The following BAZ2B variants were observed in gnomAD, a reference collection of about 807,000 sequenced individuals.
BAZ2B encodes bromodomain adjacent to zinc finger domain protein 2B.
A neutral mutation model predicts 246.0 loss-of-function variants in BAZ2B; 91 were observed. The ratio of observed to expected loss-of-function variants is 0.37; its 90% CI spans 0.31 to 0.44. The LOEUF is 0.44. Ranked by LOEUF, BAZ2B falls within the 20% of genes least tolerant of loss-of-function variation. BAZ2B has a pLI of 1.00. For synonymous variants in BAZ2B, 855 were observed against 860.0 expected (o/e 0.99, Z 0.10); for missense variants, 2,332 against 2,533.7 (o/e 0.92, Z 1.71).
intron 1 of BAZ2B, among the ~76,000 whole-genome samples, chr2:159,606,322 A>G (rs954039634): frequency 3.3e-5 from 5 of 152,112 alleles, no homozygotes; most frequent in African/African-American, 4.8e-5. Context: ...CAACTCTGTC[A>G]GTTAATGTTG....
intron 13 of BAZ2B, among the ~76,000 whole-genome samples, chr2:159,415,989 A>G (rs927883309): frequency 6.6e-6 from 1 of 152,218 alleles, no homozygotes; most frequent in African/African-American, 2.4e-5. Flanking sequence ...AGCAAAGAAC[A>G]GACTGTGATT....
chr2:159,426,514 G>C (rs1422033470), intron 13 of BAZ2B, among the ~76,000 whole-genome samples: 3 of 152,078 alleles, frequency 2.0e-5, no homozygotes, highest in African/African-American at 7.2e-5. Context: ...TCTGGTGACA[G>C]ATTTAGTCTA....
At chr2:159,676,027 C>G in the BAZ2B span, among the ~76,000 whole-genome samples, 1 of 152,178 alleles carries the variant, frequency 6.6e-6, no homozygotes, top group African/African-American at 2.4e-5. Flanking sequence ...TCCCGAGTAG[C>G]TGGGATTACA....
the BAZ2B span, among the ~76,000 whole-genome samples, chr2:159,690,607 AG>A: frequency 6.6e-6 from 1 of 152,300 alleles, no homozygotes; most frequent in East Asian, 1.9e-4. Flanking sequence ...TTGATTTTCT[AG>A]TGCAGAAGTC....
intron 1 of BAZ2B, among the ~76,000 whole-genome samples, chr2:159,557,141 CTT>C (rs35808640): frequency 7.6e-6 from 1 of 132,272 alleles, no homozygotes; most frequent in Non-Finnish European, 1.6e-5. Context: ...TACTTCTATT[CTT>C]TTTTTTTTTT....
chr2:159,383,515 A>T, intron 24 of BAZ2B, 91 bp downstream of exon 24: 13 of 1,111,878 alleles, frequency 1.2e-5, no homozygotes, highest in Non-Finnish European at 1.6e-5. Flanking sequence ...AGACAATAAA[A>T]GTTTAAATTC....
At position 159,604,542 on chromosome 2, in the gene BAZ2B, A is replaced by G. The variant is rs192766387; in HGVS notation, c.-46+11700T>C. The stretch of plus-strand genomic sequence containing the variant: ...GATAAGCCTGCCTTATCAAAGAAGC[A>G]TAGTTTGAATACTCTCAATATATTT... On this transcript the variant is annotated intron_variant, in intron 1 of 36. Transcript: ENST00000392783. 2.2e-4 allele frequency among the ~76,000 whole-genome samples: 33 copies of G among 152,354 alleles called. No individual in the cohort carries two copies. In the Middle Eastern group the frequency reaches 0.01, roughly 47 times the overall value.
At chr2:159,682,106 T>A in the BAZ2B span, among the ~76,000 whole-genome samples, 1 of 151,280 alleles carries the variant, frequency 6.6e-6, no homozygotes, top group African/African-American at 2.4e-5. Flanking sequence ...TCAATGGCAA[T>A]CCTATAGGAC....
chr2:159,697,182 A>G, the BAZ2B span, among the ~76,000 whole-genome samples: 2 of 151,948 alleles, frequency 1.3e-5, no homozygotes, highest in South Asian at 4.2e-4. Flanking sequence ...TAGCTCCCCA[A>G]TCTTTTAATA....
chr2:159,652,517 A>G, the BAZ2B span, among the ~76,000 whole-genome samples: 2 of 150,994 alleles, frequency 1.3e-5, no homozygotes, highest in East Asian at 3.9e-4. Flanking sequence ...GCCACTGTCT[A>G]TCATTTTGAT....
At chr2:159,638,854 A>G in the BAZ2B span, among the ~76,000 whole-genome samples, 3 of 152,190 alleles carry the variant, frequency 2.0e-5, no homozygotes, top group Admixed American at 6.5e-5. Flanking sequence ...GGATATAAAG[A>G]AATTCCCAAA....
chr2:159,663,942 T>A, the BAZ2B span, among the ~76,000 whole-genome samples: 1 of 109,740 alleles, frequency 9.1e-6, no homozygotes, highest in Non-Finnish European at 1.9e-5. Context: ...TAGTTACATA[T>A]GTATACATGT....
At chr2:159,519,141 C>G (rs1176571757) in intron 2 of BAZ2B, among the ~76,000 whole-genome samples, 1 of 147,726 alleles carries the variant, frequency 6.8e-6, no homozygotes, top group African/African-American at 2.5e-5. Flanking sequence ...GATCTTTAAA[C>G]ATACACTAAC....
intron 6 of BAZ2B, among the ~76,000 whole-genome samples, chr2:159,441,867 A>G (rs2073463396): frequency 6.6e-6 from 1 of 152,150 alleles, no homozygotes; most frequent in Non-Finnish European, 1.5e-5. Context: ...ATTTTCCCCC[A>G]TCCAATCTGG....
At chr2:159,624,918 G>A in the BAZ2B span, among the ~76,000 whole-genome samples, 1 of 152,074 alleles carries the variant, frequency 6.6e-6, no homozygotes, top group Non-Finnish European at 1.5e-5. Context: ...CCAATGCAAG[G>A]AAGCTAAGAA....
chr2:159,452,455 T>C (rs2075219113), intron 4 of BAZ2B, among the ~76,000 whole-genome samples: 1 of 152,210 alleles, frequency 6.6e-6, no homozygotes. Context: ...ATGAGAAAAC[T>C]GAGGCTAAGA....
chr2:159,613,476 A>G (rs1378623655), intron 1 of BAZ2B, among the ~76,000 whole-genome samples: 2 of 92,042 alleles, frequency 2.2e-5, no homozygotes, highest in Non-Finnish European at 4.4e-5. Context: ...AAAAAAAAAA[A>G]AGACTCTTCA....
chr2:159,573,746 T>C (rs895349975), intron 1 of BAZ2B, among the ~76,000 whole-genome samples: 1 of 152,156 alleles, frequency 6.6e-6, no homozygotes, highest in Non-Finnish European at 1.5e-5. Flanking sequence ...ATATCATATA[T>C]CTGAAGACAG....
intron 2 of BAZ2B, among the ~76,000 whole-genome samples, chr2:159,510,445 A>G (rs2082801096): frequency 6.6e-6 from 1 of 152,184 alleles, no homozygotes; most frequent in Non-Finnish European, 1.5e-5. Flanking sequence ...GCTGGGATTC[A>G]GGCATGAGCC....
Sources: allele counts gnomAD v4.1 joint callset (sites outside exome capture counted in the v4.1 genomes callset), GRCh38; gene constraint gnomAD v4.1.1; transcripts MANE v1.5; gene names NCBI Gene and HGNC (gene_info 2026-07-23, HGNC 2026-07-21).